PARD3B: variants seen among roughly 807,000 people sequenced by gnomAD.
PARD3B encodes partitioning defective 3 homolog B.
PARD3B carries 103 observed loss-of-function variants against 130.2 expected under a neutral mutation model. The ratio of observed to expected loss-of-function variants is 0.79; its 90% CI spans 0.67 to 0.93. PARD3B has a LOEUF of 0.93. Among genes scored for constraint, PARD3B ranks in the 40% least tolerant of loss-of-function variants. The probability of loss-of-function intolerance (pLI) is 0.00; values close to 1 mark genes in which losing one functional copy is unlikely to be tolerated. For synonymous variants in PARD3B, 583 were observed against 553.2 expected, an observed-to-expected ratio of 1.05 and a Z score of -0.76; for missense variants, 1,609 against 1,499.2, an observed-to-expected ratio of 1.07 and a Z score of -1.21.
rs957666466 is a variant in PARD3B at position 205,158,226 on chromosome 2, T to C, written c.1435-496T>C. On this transcript the variant is annotated intron_variant, in intron 10 of 22. Coordinates refer to ENST00000406610, the MANE Select transcript of PARD3B (RefSeq NM_001302769.2). The surrounding 1 kb of genome is among the most constrained non-coding windows in gnomAD (Gnocchi z 5.4). Reference sequence around the variant, plus strand: ...TATTAACAAACTTTACCAATAGTGTTGTTTCCATAGTAAATGATATGTTTT... The same window carrying C: ...TATTAACAAACTTTACCAATAGTGTCGTTTCCATAGTAAATGATATGTTTT... Among the ~76,000 whole-genome samples the C allele has an allele frequency of 6.6e-6, 1 of 152,194 alleles. No individual in the cohort carries two copies. Among genetic ancestry groups the C allele is most frequent in the African/African-American group, 2.4e-5 (1 of 41,448 alleles).
At chr2:205,445,402 A>G (rs959689893) in intron 20 of PARD3B, among the ~76,000 whole-genome samples, 2 of 152,202 alleles carry the variant, frequency 1.3e-5, no homozygotes, top group Non-Finnish European at 2.9e-5. Flanking sequence ...AGGAAGCATG[A>G]TGCTGGCATC....
At chr2:205,482,262 A>G (rs1450809793) in intron 20 of PARD3B, among the ~76,000 whole-genome samples, 2 of 152,290 alleles carry the variant, frequency 1.3e-5, no homozygotes, top group East Asian at 3.9e-4. Context: ...AGACAATTAG[A>G]TTGGAGCAGT....
chr2:205,121,648 TC>T lies in PARD3B; in HGVS notation c.866del (p.Pro289LeufsTer26). ...CTCCAAGTGTGCTCCTCCACGTGCT[TC>T]CTCCACAAAACCGTGAACAGTATGA... ...KSPSVLLHVL[P>X]PQNREQYEKS... On this transcript the variant is annotated frameshift_variant, in exon 8 of 23. Transcript: ENST00000406610. LOFTEE classifies it high-confidence loss of function. This position sits in a 1 kb window ranked among gnomAD's most constrained non-coding sequence, Gnocchi z 5.0. 8.7e-6 allele frequency: 14 copies of T among 1,614,110 alleles called. No individual in the cohort carries two copies. The highest frequency in any genetic ancestry group is 1.2e-5 in the Non-Finnish European group (14 of 1,180,022).
chr2:204,908,234 G>A (rs768681585), intron 2 of PARD3B, among the ~76,000 whole-genome samples: 12 of 152,056 alleles, frequency 7.9e-5, no homozygotes, highest in South Asian at 2.1e-4. Flanking sequence ...ATGAACACAC[G>A]TTAATAATTC....
At chr2:205,476,655 C>T (rs2049033715) in intron 20 of PARD3B, among the ~76,000 whole-genome samples, 1 of 151,914 alleles carries the variant, frequency 6.6e-6, no homozygotes, top group African/African-American at 2.4e-5. Flanking sequence ...TTTGTTTTAG[C>T]AGGAATGAAT....
chr2:204,818,563 A>G (rs2043223229), intron 2 of PARD3B, among the ~76,000 whole-genome samples: 1 of 152,172 alleles, frequency 6.6e-6, no homozygotes, highest in Admixed American at 6.5e-5. Flanking sequence ...GTGTCTCAAA[A>G]TGTTATCATT....
intron 20 of PARD3B, among the ~76,000 whole-genome samples, chr2:205,442,744 A>G (rs1433873390): frequency 6.6e-6 from 1 of 152,198 alleles, no homozygotes; most frequent in Non-Finnish European, 1.5e-5. Flanking sequence ...AGATCTTTGG[A>G]ACACTATTTA....
chr2:204,761,637 G>A (rs1206568177), intron 2 of PARD3B, among the ~76,000 whole-genome samples: 1 of 150,750 alleles, frequency 6.6e-6, no homozygotes, highest in Non-Finnish European at 1.5e-5. Flanking sequence ...TCTTTGAAAT[G>A]TAATTTCTTA....
At chr2:205,227,896 T>C (rs114233234) in intron 15 of PARD3B, among the ~76,000 whole-genome samples, 1,604 of 152,270 alleles carry the variant, frequency 0.011, 33 homozygotes, top group African/African-American at 0.037. Flanking sequence ...CCAAATACTA[T>C]CTTATAACCC....
At chr2:204,956,987 G>C (rs1169910868) in intron 2 of PARD3B, among the ~76,000 whole-genome samples, 2 of 152,144 alleles carry the variant, frequency 1.3e-5, no homozygotes, top group African/African-American at 4.8e-5. Flanking sequence ...ACCACTGCTA[G>C]AGATGGTGAA....
chr2:204,865,676 G>A (rs555938680), intron 2 of PARD3B, among the ~76,000 whole-genome samples: 1 of 152,100 alleles, frequency 6.6e-6, no homozygotes, highest in African/African-American at 2.4e-5. Flanking sequence ...CTACACCTTG[G>A]GTACAGTGTA....
intron 16 of PARD3B, among the ~76,000 whole-genome samples, chr2:205,260,629 C>T (rs1306052696): frequency 6.6e-6 from 1 of 152,092 alleles, no homozygotes; most frequent in Non-Finnish European, 1.5e-5. Context: ...AACCTGGGAT[C>T]ACTTTCATAT....
chr2:205,303,373 C>T (rs1186625120), intron 18 of PARD3B, among the ~76,000 whole-genome samples: 1 of 152,168 alleles, frequency 6.6e-6, no homozygotes, highest in Non-Finnish European at 1.5e-5. Context: ...ATACCAGTCA[C>T]TAATGTAGGT....
intron 16 of PARD3B, among the ~76,000 whole-genome samples, chr2:205,246,491 C>T (rs2039578982): frequency 6.6e-6 from 1 of 152,136 alleles, no homozygotes; most frequent in Non-Finnish European, 1.5e-5. Flanking sequence ...TAGTTGAAAA[C>T]ATTTAAAGCT....
At chr2:204,895,762 T>A (rs1486064784) in intron 2 of PARD3B, among the ~76,000 whole-genome samples, 2 of 152,164 alleles carry the variant, frequency 1.3e-5, no homozygotes, top group Non-Finnish European at 2.9e-5. Flanking sequence ...CACTCACTTT[T>A]CCTGAGAACT....
At chr2:205,047,515 A>G (rs771888530) in intron 3 of PARD3B, 66 bp from the exon 4 acceptor site, 9 of 949,854 alleles carry the variant, frequency 9.5e-6, no homozygotes, top group Non-Finnish European at 1.4e-5. Context: ...ATTAAAGTGC[A>G]TTGTGTCATG....
At chr2:205,069,353 G>A (rs866018881) in intron 4 of PARD3B, among the ~76,000 whole-genome samples, 1 of 151,424 alleles carries the variant, frequency 6.6e-6, no homozygotes, top group African/African-American at 2.4e-5. Flanking sequence ...TGTTATAAGG[G>A]GCATATAGAT....
chr2:205,517,912 T>A (rs535730920), intron 21 of PARD3B, among the ~76,000 whole-genome samples: 3 of 152,282 alleles, frequency 2.0e-5, no homozygotes, highest in Admixed American at 2.0e-4. Context: ...GTCTTAGTCT[T>A]GAGTTGTATT....
chr2:205,050,145 T>C (rs953857532), intron 4 of PARD3B, among the ~76,000 whole-genome samples: 14 of 150,402 alleles, frequency 9.3e-5, no homozygotes, highest in Non-Finnish European at 1.8e-4. Flanking sequence ...CTAAAAGTTC[T>C]TAGAAATTAA....
Sources: gnomAD v4.1 joint callset for allele counts (sites outside exome capture counted in the v4.1 genomes callset) on GRCh38, gnomAD v4.1.1 for gene constraint, Gnocchi (gnomAD v3.1) non-coding constraint, MANE v1.5 for transcripts, NCBI Gene and HGNC (gene_info 2026-07-23, HGNC 2026-07-21) for gene names.